The following MBOAT2 variants were observed in gnomAD, a reference collection of about 807,000 sequenced individuals.
MBOAT2 encodes membrane-bound glycerophospholipid O-acyltransferase 2.
A neutral mutation model predicts 63.4 loss-of-function variants in MBOAT2; 28 were observed. The ratio of observed to expected loss-of-function variants is 0.44; its 90% CI spans 0.33 to 0.61. The LOEUF (loss-of-function observed/expected upper bound fraction) is 0.61, where lower values mean the gene tolerates loss of function less well. Among genes scored for constraint, MBOAT2 ranks in the 20% least tolerant of loss-of-function variants. The pLI is 0.03. For missense variants in MBOAT2, 470 were observed against 605.8 expected (o/e 0.78, Z 2.35); for synonymous variants, 211 against 215.6 (o/e 0.98, Z 0.19).
At chr2:8,972,413 C>A (rs1670517955) in intron 1 of MBOAT2, among the ~76,000 whole-genome samples, 3 of 152,274 alleles carry the variant, frequency 2.0e-5, no homozygotes, top group African/African-American at 7.2e-5. Flanking sequence ...ACCATAAAAA[C>A]CCTAGAAGAA....
chr2:8,962,012 C>T (rs1669637401), intron 1 of MBOAT2, among the ~76,000 whole-genome samples: 1 of 152,300 alleles, frequency 6.6e-6, no homozygotes, highest in Non-Finnish European at 1.5e-5. Context: ...CGCAGCTCTC[C>T]CTTCTGCCAG....
intron 4 of MBOAT2, among the ~76,000 whole-genome samples, chr2:8,899,734 T>C (rs534455626): frequency 1.1e-4 from 17 of 152,360 alleles, no homozygotes; most frequent in Admixed American, 4.6e-4. Flanking sequence ...TCCTACCAGA[T>C]GATTGGCCTG....
In MBOAT2 at chr2:8,854,455, G is replaced by A. The variant is rs1019844507; in HGVS notation, c.*4224C>T. The A allele has an allele frequency of 1.1e-4, 17 of 152,274 alleles. No homozygotes were observed. The highest frequency in any genetic ancestry group is 4.1e-4 in the African/African-American group (17 of 41,544). 9.4% of individuals were successfully genotyped at this position (152,274 alleles called of 1,614,324 possible). On this transcript the variant is annotated 3_prime_UTR_variant, in exon 13 of 13. Transcript: ENST00000305997. ...CTGCACCTATATTAAATTTCAGCCAGGAAGAACTATTAACGCCTGGATAAA... is the reference window on the plus strand; with the variant it reads ...CTGCACCTATATTAAATTTCAGCCAAGAAGAACTATTAACGCCTGGATAAA...
intron 2 of MBOAT2, among the ~76,000 whole-genome samples, chr2:8,953,327 C>T (rs937954034): frequency 6.6e-6 from 1 of 152,160 alleles, no homozygotes; most frequent in African/African-American, 2.4e-5. Flanking sequence ...ATGGGGTTCC[C>T]TTTGTATATA....
At chr2:8,883,486 T>G (rs1663302491) in intron 5 of MBOAT2, among the ~76,000 whole-genome samples, 1 of 152,208 alleles carries the variant, frequency 6.6e-6, no homozygotes, top group Non-Finnish European at 1.5e-5. Flanking sequence ...TTTATGTATT[T>G]TATATGTATA....
chr2:8,986,420 G>A (rs575761055), intron 1 of MBOAT2, among the ~76,000 whole-genome samples: 10 of 151,924 alleles, frequency 6.6e-5, no homozygotes, highest in African/African-American at 2.2e-4. Context: ...AAAATTAGCC[G>A]TGCCTGGTGG....
rs558408589 is a variant in MBOAT2 at position 8,906,449 on chromosome 2, A to G, written c.395+2172T>C. The stretch of plus-strand genomic sequence containing the variant: ...CCACCCTGCCCTCAACTTCACCTAG[A>G]GGATTCCAGAGCCTGAAGGAGGTGA... On this transcript the variant is annotated intron_variant, in intron 4 of 12. Transcript: ENST00000305997. Among the ~76,000 whole-genome samples, 5 of 152,334 alleles carry G rather than the reference A, an allele frequency of 3.3e-5. No individual in the cohort carries two copies. In the East Asian group the frequency reaches 7.7e-4, roughly 23 times the overall value.
chr2:8,988,295 A>C (rs998571612), intron 1 of MBOAT2, among the ~76,000 whole-genome samples: 22 of 152,214 alleles, frequency 1.4e-4, no homozygotes, highest in African/African-American at 5.1e-4. Flanking sequence ...ATTTCTGATA[A>C]GCAAAGTAAC....
At chr2:8,986,639 T>G (rs1399179504) in intron 1 of MBOAT2, among the ~76,000 whole-genome samples, 1 of 152,106 alleles carries the variant, frequency 6.6e-6, no homozygotes, top group Non-Finnish European at 1.5e-5. Flanking sequence ...TGAATGTCTG[T>G]TTCCCCCCAA....
intron 4 of MBOAT2, among the ~76,000 whole-genome samples, chr2:8,888,670 C>T (rs1486041256): frequency 6.6e-6 from 1 of 152,190 alleles, no homozygotes. Context: ...AACACATCCA[C>T]ATAAGAAAAC....
intron 4 of MBOAT2, among the ~76,000 whole-genome samples, chr2:8,898,163 G>C (rs1664628036): frequency 6.6e-6 from 1 of 152,194 alleles, no homozygotes; most frequent in African/African-American, 2.4e-5. Flanking sequence ...GACATACAAA[G>C]AGAAGTTTTG....
intron 1 of MBOAT2, among the ~76,000 whole-genome samples, chr2:8,989,392 C>A (rs911871511): frequency 1.3e-5 from 2 of 152,070 alleles, no homozygotes; most frequent in African/African-American, 4.8e-5. Flanking sequence ...ACTAAATTAG[C>A]CATTTTACTT....
intron 2 of MBOAT2, among the ~76,000 whole-genome samples, chr2:8,955,246 G>A (rs1355579519): frequency 6.6e-6 from 1 of 152,224 alleles, no homozygotes; most frequent in African/African-American, 2.4e-5. Flanking sequence ...AGGTCTGGGA[G>A]AATGTCTGCA....
chr2:8,976,997 T>C (rs532946377), intron 1 of MBOAT2, among the ~76,000 whole-genome samples: 2 of 152,114 alleles, frequency 1.3e-5, no homozygotes, highest in East Asian at 1.9e-4. Flanking sequence ...AACTAATCTA[T>C]AGTGACAAAA....
chr2:8,924,349 ACTTC>A (rs1558620228), intron 3 of MBOAT2, among the ~76,000 whole-genome samples: 1 of 152,090 alleles, frequency 6.6e-6, no homozygotes, highest in Non-Finnish European at 1.5e-5. Context: ...CAGAACACCC[ACTTC>A]CTTCCTTCCT....
chr2:9,001,115 C>T (rs1658806251), intron 1 of MBOAT2, among the ~76,000 whole-genome samples: 1 of 152,086 alleles, frequency 6.6e-6, no homozygotes, highest in Non-Finnish European at 1.5e-5. Flanking sequence ...ATAACATGCA[C>T]GGAGCTGTCA....
At chr2:8,944,990 AAAGTG>A (rs1368713320) in intron 2 of MBOAT2, among the ~76,000 whole-genome samples, 11 of 152,140 alleles carry the variant, frequency 7.2e-5, no homozygotes, top group Non-Finnish European at 1.0e-4. Flanking sequence ...TTGGGGGAAA[AAAGTG>A]TTCCTTTGCT....
chr2:8,957,271 T>C (rs1250512563), intron 2 of MBOAT2, among the ~76,000 whole-genome samples: 1 of 152,154 alleles, frequency 6.6e-6, no homozygotes, highest in Non-Finnish European at 1.5e-5. Flanking sequence ...GCATGATTTA[T>C]GAAAAGTTTA....
At chr2:8,870,897 G>A (rs1461596313) in intron 8 of MBOAT2, among the ~76,000 whole-genome samples, 2 of 152,156 alleles carry the variant, frequency 1.3e-5, no homozygotes, top group African/African-American at 2.4e-5. Context: ...AAATGCACAA[G>A]ATTCATTTTT....
Sources: gnomAD v4.1 joint callset for allele counts (sites outside exome capture counted in the v4.1 genomes callset) on GRCh38, gnomAD v4.1.1 for gene constraint, MANE v1.5 for transcripts, NCBI Gene and HGNC (gene_info 2026-07-23, HGNC 2026-07-21) for gene names.